WDR49: variants seen among roughly 807,000 people sequenced by gnomAD.
WDR49 encodes the protein WD repeat domain 49.
Under a neutral mutation model 119.5 loss-of-function variants are expected in WDR49, and 107 were observed. That is an observed-to-expected ratio of 0.90 (90% CI 0.77 to 1.05). The LOEUF (loss-of-function observed/expected upper bound fraction) is 1.05. WDR49 is among the 50% of genes least tolerant of loss of function. The pLI is 0.00. For synonymous variants in WDR49, 425 were observed against 418.8 expected (o/e 1.01, Z -0.18); for missense variants, 1,240 against 1,220.5 (o/e 1.02, Z -0.24).
At chr3:167,493,021 A>T (rs983608043) in intron 18 of WDR49, among the ~76,000 whole-genome samples, 1 of 152,084 alleles carries the variant, frequency 6.6e-6, no homozygotes, top group African/African-American at 2.4e-5. Context: ...CAAGCCTACA[A>T]TATGTCTCCT....
chr3:167,549,742 G>C, intron 10 of WDR49, among the ~76,000 whole-genome samples: 1 of 152,062 alleles, frequency 6.6e-6, no homozygotes, highest in Non-Finnish European at 1.5e-5. Context: ...CATTGCTTTT[G>C]GTGTTTTAGT....
intron 11 of WDR49, among the ~76,000 whole-genome samples, chr3:167,534,854 T>C (rs1229982426): frequency 1.3e-5 from 2 of 152,200 alleles, no homozygotes; most frequent in Non-Finnish European, 2.9e-5. Flanking sequence ...CAGACTTTTA[T>C]CAACATTATC....
intron 7 of WDR49, among the ~76,000 whole-genome samples, chr3:167,581,371 T>C (rs1490024207): frequency 6.6e-6 from 1 of 152,192 alleles, no homozygotes; most frequent in Non-Finnish European, 1.5e-5. Context: ...ATGTGATTTT[T>C]ATCTTTCCAT....
chr3:167,653,012 G>C (rs1451080619), intron 2 of WDR49, among the ~76,000 whole-genome samples: 1 of 152,006 alleles, frequency 6.6e-6, no homozygotes, highest in Non-Finnish European at 1.5e-5. Flanking sequence ...ACAATAAATA[G>C]TTCTTTCTTG....
At chr3:167,566,927 C>A in intron 8 of WDR49, 2 of 651,896 alleles carry the variant, frequency 3.1e-6, no homozygotes, top group South Asian at 1.7e-5. Flanking sequence ...GTTGGACTTA[C>A]TGTCTCGGGG....
At chr3:167,614,184 C>A (rs1367760178) in intron 5 of WDR49, among the ~76,000 whole-genome samples, 1 of 152,022 alleles carries the variant, frequency 6.6e-6, no homozygotes. Context: ...TCACTGCAAC[C>A]CCCACCTCCC....
intron 10 of WDR49, among the ~76,000 whole-genome samples, chr3:167,537,472 T>G (rs920377450): frequency 6.6e-6 from 1 of 152,146 alleles, no homozygotes; most frequent in African/African-American, 2.4e-5. Context: ...TTTTCAAGAC[T>G]TACCTGATCA....
At chr3:167,484,169 C>T (rs1750831443) in intron 18 of WDR49, among the ~76,000 whole-genome samples, 1 of 152,072 alleles carries the variant, frequency 6.6e-6, no homozygotes, top group Non-Finnish European at 1.5e-5. Flanking sequence ...ATAAGTGTTG[C>T]TTTGAAGGGA....
intron 7 of WDR49, among the ~76,000 whole-genome samples, chr3:167,589,237 A>G (rs1449572817): frequency 1.3e-5 from 2 of 152,182 alleles, no homozygotes; most frequent in Non-Finnish European, 2.9e-5. Flanking sequence ...GTCTAAAATG[A>G]ATTCACTGTA....
At chr3:167,605,103 T>TACACAC (rs147965737) in intron 5 of WDR49, among the ~76,000 whole-genome samples, 1 of 147,050 alleles carries the variant, frequency 6.8e-6, no homozygotes, top group Admixed American at 6.8e-5. Flanking sequence ...TGTATATATA[T>TACACAC]ACACACACAC....
At chr3:167,540,705 C>T (rs1033866865) in intron 10 of WDR49, among the ~76,000 whole-genome samples, 5 of 150,332 alleles carry the variant, frequency 3.3e-5, no homozygotes, top group Non-Finnish European at 7.4e-5. Flanking sequence ...AAGAAGAAAC[C>T]TCTGAATTGT....
At chr3:167,523,764 A>C (rs1752539929) in intron 15 of WDR49, among the ~76,000 whole-genome samples, 1 of 152,086 alleles carries the variant, frequency 6.6e-6, no homozygotes, top group Non-Finnish European at 1.5e-5. Flanking sequence ...CATGGTTTAT[A>C]TGTGCCACAT....
intron 2 of WDR49, among the ~76,000 whole-genome samples, chr3:167,630,923 G>C (rs1261069448): frequency 6.6e-6 from 1 of 152,072 alleles, no homozygotes; most frequent in Non-Finnish European, 1.5e-5. Context: ...TATCTTCTCA[G>C]TAAGACATAT....
At chr3:167,549,095 A>T (rs891175936) in intron 10 of WDR49, among the ~76,000 whole-genome samples, 7 of 152,096 alleles carry the variant, frequency 4.6e-5, no homozygotes, top group South Asian at 2.1e-4. Context: ...TCTATCATTG[A>T]TGGACATTTG....
chr3:167,618,400 G>T (rs1041059309), intron 5 of WDR49, among the ~76,000 whole-genome samples: 1 of 152,080 alleles, frequency 6.6e-6, no homozygotes, highest in Admixed American at 6.6e-5. Context: ...ACACATAAAA[G>T]ATCAATAAAT....
At chr3:167,581,981 G>C (rs888848475) in intron 7 of WDR49, among the ~76,000 whole-genome samples, 4 of 151,896 alleles carry the variant, frequency 2.6e-5, no homozygotes, top group Non-Finnish European at 5.9e-5. Flanking sequence ...TCCTGTTAGA[G>C]ATAGATATAA....
At chr3:167,613,939 CAAA>C (rs113461805) in intron 5 of WDR49, among the ~76,000 whole-genome samples, 4 of 107,410 alleles carry the variant, frequency 3.7e-5, no homozygotes, top group Admixed American at 1.0e-4. Flanking sequence ...GACTCTGTCT[CAAA>C]AAAAAAAAAA....
chr3:167,534,266 T>G (rs1752948056), intron 11 of WDR49, among the ~76,000 whole-genome samples: 1 of 152,140 alleles, frequency 6.6e-6, no homozygotes, highest in Non-Finnish European at 1.5e-5. Context: ...GGAGTTCAGC[T>G]GTCCATAGAA....
intron 3 of WDR49, among the ~76,000 whole-genome samples, chr3:167,626,553 A>G (rs190176428): frequency 8.2e-4 from 125 of 152,148 alleles, no homozygotes; most frequent in Middle Eastern, 3.4e-3. Context: ...CATGCACTAT[A>G]ATAGCCTCTC....
Sources: allele counts gnomAD v4.1 joint callset (sites outside exome capture counted in the v4.1 genomes callset), GRCh38; gene constraint gnomAD v4.1.1; transcripts MANE v1.5; gene names NCBI Gene and HGNC (gene_info 2026-07-23, HGNC 2026-07-21).